ARHGAP39: variants seen among roughly 807,000 people sequenced by gnomAD.
The protein encoded by ARHGAP39 is rho GTPase-activating protein 39.
In ARHGAP39, 44 loss-of-function variants were observed where a neutral mutation model predicts 106.9. The ratio of observed to expected loss-of-function variants is 0.41; its 90% CI spans 0.32 to 0.53. The LOEUF (loss-of-function observed/expected upper bound fraction) is 0.53. Among genes scored for constraint, ARHGAP39 ranks in the 20% least tolerant of loss-of-function variants. The pLI, the probability that ARHGAP39 is intolerant of heterozygous loss-of-function variation, is 0.21. For missense variants in ARHGAP39, 1,496 were observed against 1,577.3 expected (o/e 0.95, Z 0.87); for synonymous variants, 768 against 693.2 (o/e 1.11, Z -1.69).
intron 4 of ARHGAP39, among the ~76,000 whole-genome samples, chr8:144,554,835 A>G (rs1817854907): frequency 6.6e-6 from 1 of 152,210 alleles, no homozygotes; most frequent in African/African-American, 2.4e-5. Flanking sequence ...AACCGTTACC[A>G]CTTCCAAGCT....
At chr8:144,561,868 G>A (rs975015953) in intron 3 of ARHGAP39, among the ~76,000 whole-genome samples, 1 of 146,022 alleles carries the variant, frequency 6.8e-6, no homozygotes, top group African/African-American at 2.6e-5. Flanking sequence ...ACTCACCCCA[G>A]TGGTTTCCAT....
chr8:144,612,784 G>A (rs140517720), intron 1 of ARHGAP39, among the ~76,000 whole-genome samples: 273 of 151,940 alleles, frequency 1.8e-3, no homozygotes, highest in African/African-American at 6.1e-3. Flanking sequence ...CAGCCAGGGG[G>A]ATAGAGTGAA....
chr8:144,694,533 GT>G, the ARHGAP39 span, among the ~76,000 whole-genome samples: 3 of 152,220 alleles, frequency 2.0e-5, no homozygotes, highest in African/African-American at 7.2e-5. Flanking sequence ...AGCTGTGTGT[GT>G]TAACGCCGTT....
intron 1 of ARHGAP39, among the ~76,000 whole-genome samples, chr8:144,614,867 G>A (rs1176465676): frequency 6.6e-6 from 1 of 152,190 alleles, no homozygotes; most frequent in African/African-American, 2.4e-5. Flanking sequence ...AGAGCTCTGA[G>A]TACTTACTGT....
At chr8:144,607,984 C>G (rs1820355796) in intron 1 of ARHGAP39, among the ~76,000 whole-genome samples, 1 of 151,880 alleles carries the variant, frequency 6.6e-6, no homozygotes, top group African/African-American at 2.4e-5. Context: ...CAGCGAAACC[C>G]CATCTCTACT....
In ARHGAP39 at chr8:144,646,830, C is replaced by T. The variant is rs533300108; in HGVS notation, c.-82+38856G>A. ...GGAAACAAGGCCTTGGGTTTTTCTC[C>T]ACCACACTTGCTGCAGACGAGGGTC... On this transcript the variant is annotated intron_variant, in intron 1 of 11. Transcript: ENST00000377307. The surrounding 1 kb of genome is among the most constrained non-coding windows in gnomAD (Gnocchi z 5.7). 9.2e-5 allele frequency among the ~76,000 whole-genome samples: 14 copies of T among 152,330 alleles called. No homozygotes were observed. In the South Asian group the frequency reaches 2.5e-3, roughly 27 times the overall value.
intron 6 of ARHGAP39, among the ~76,000 whole-genome samples, chr8:144,542,810 G>T (rs572163286): frequency 3.3e-5 from 5 of 152,006 alleles, no homozygotes; most frequent in Middle Eastern, 3.4e-3. Flanking sequence ...ATGGTGGCGC[G>T]CACCTGTGGT....
chr8:144,669,025 A>T (rs1196544769), intron 1 of ARHGAP39, among the ~76,000 whole-genome samples: 2 of 151,920 alleles, frequency 1.3e-5, no homozygotes, highest in African/African-American at 4.8e-5. Context: ...TTTATGATCA[A>T]GTAATTTTTG....
rs1364456935 is a variant in ARHGAP39 at position 144,679,584 on chromosome 8, C to G, written c.-82+6102G>C. The stretch of plus-strand genomic sequence containing the variant: ...TCCTGGATTTGGATTTCTTCCTTCA[C>G]CAACCCATCCTACAGAACATTGCCA... On this transcript the variant is annotated intron_variant, in intron 1 of 11. Coordinates refer to ENST00000377307, the MANE Select transcript of ARHGAP39 (RefSeq NM_025251.3). This position sits in a 1 kb window ranked among gnomAD's most constrained non-coding sequence, Gnocchi z 4.7. Among the ~76,000 whole-genome samples the G allele has an allele frequency of 6.6e-6, 1 of 152,222 alleles. No individual in the cohort carries two copies. The highest frequency in any genetic ancestry group is 2.4e-5 in the African/African-American group (1 of 41,446).
the ARHGAP39 span, among the ~76,000 whole-genome samples, chr8:144,693,058 C>CTT: frequency 6.3e-4 from 55 of 86,802 alleles, 1 homozygote; most frequent in African/African-American, 1.3e-3. Context: ...TGCGCCCGGC[C>CTT]TTTTTTTTTT....
chr8:144,670,776 T>C lies in ARHGAP39; in HGVS notation c.-82+14910A>G, dbSNP rs534785441. Among the ~76,000 whole-genome samples, 33 of 152,136 alleles carry C rather than the reference T, an allele frequency of 2.2e-4. No individual in the cohort carries two copies. The highest frequency in any genetic ancestry group is 1.9e-3 in the South Asian group (9 of 4,824). On this transcript the variant is annotated intron_variant, in intron 1 of 11. Coordinates refer to ENST00000377307, the MANE Select transcript of ARHGAP39 (RefSeq NM_025251.3). The surrounding 1 kb of genome is among the most constrained non-coding windows in gnomAD (Gnocchi z 4.4). ...GCTGTCACAGCCTCATCCCCGTCCT[T>C]CAGACCACACACCGCAGCTGCCAAC... is the stretch of plus-strand genomic sequence containing the variant.
chr8:144,629,810 G>A (rs758513960), intron 1 of ARHGAP39, among the ~76,000 whole-genome samples: 7 of 152,124 alleles, frequency 4.6e-5, no homozygotes, highest in African/African-American at 7.2e-5. Flanking sequence ...ACTTTAAGCT[G>A]CAATAGTGTT....
At chr8:144,538,668 G>A (rs1203347513) in intron 6 of ARHGAP39, among the ~76,000 whole-genome samples, 1 of 152,060 alleles carries the variant, frequency 6.6e-6, no homozygotes, top group Non-Finnish European at 1.5e-5. Flanking sequence ...CACCTCCCGG[G>A]TTCAAGAGAT....
Position 144,650,504 on chromosome 8 carries a change from C to CA in ARHGAP39, c.-82+35181dup, listed in dbSNP as rs200548075. Reference sequence around the variant, plus strand: ...TGATGCACATTGATGCAAAAATCCTCAAAAAAATACTTGCAAACTGAATCC... The same window carrying CA: ...TGATGCACATTGATGCAAAAATCCTCAAAAAAAATACTTGCAAACTGAATCC... On this transcript the variant is annotated intron_variant, in intron 1 of 11. Transcript: ENST00000377307. 2.4e-3 allele frequency among the ~76,000 whole-genome samples: 363 copies of CA among 152,182 alleles called. 3 individuals carry two copies. In the East Asian group the frequency reaches 0.038, roughly 16 times the overall value.
intron 1 of ARHGAP39, among the ~76,000 whole-genome samples, chr8:144,608,654 G>C (rs1313856274): frequency 6.6e-6 from 1 of 152,214 alleles, no homozygotes; most frequent in Non-Finnish European, 1.5e-5. Context: ...CTGGGATTTT[G>C]ATTGCAGTTG....
chr8:144,648,536 T>C (rs1350394936), intron 1 of ARHGAP39, among the ~76,000 whole-genome samples: 3 of 152,228 alleles, frequency 2.0e-5, no homozygotes, highest in Non-Finnish European at 2.9e-5. Flanking sequence ...CGATATCAGA[T>C]ATTGGAAACT....
chr8:144,634,904 G>A (rs1306258324), intron 1 of ARHGAP39, among the ~76,000 whole-genome samples: 1 of 152,198 alleles, frequency 6.6e-6, no homozygotes, highest in Non-Finnish European at 1.5e-5. Flanking sequence ...GCCCTGTGCG[G>A]GTGTAGTCTC....
chr8:144,697,358 A>G, the ARHGAP39 span, among the ~76,000 whole-genome samples: 4 of 151,172 alleles, frequency 2.6e-5, no homozygotes, highest in African/African-American at 9.7e-5. Flanking sequence ...ATATCGTTCT[A>G]TAAATGATGC....
At position 144,666,459 on chromosome 8, in the gene ARHGAP39, T is replaced by A. The variant is rs181285567; in HGVS notation, c.-82+19227A>T. On this transcript the variant is annotated intron_variant, in intron 1 of 11. Coordinates refer to ENST00000377307, the MANE Select transcript of ARHGAP39 (RefSeq NM_025251.3). ...GGCTGTGTCCCCACCTAAATCTCAA[T>A]GTGAATTGTATCTCCCAGAATTCCC... Among the ~76,000 whole-genome samples the A allele has an allele frequency of 2.5e-4, 38 of 152,258 alleles. No homozygotes were observed. In the East Asian group the frequency reaches 7.1e-3, roughly 29 times the overall value.
Sources: allele counts gnomAD v4.1 joint callset (sites outside exome capture counted in the v4.1 genomes callset), GRCh38; gene constraint gnomAD v4.1.1; non-coding constraint Gnocchi (gnomAD v3.1); transcripts MANE v1.5; gene names NCBI Gene and HGNC (gene_info 2026-07-23, HGNC 2026-07-21).